Variants in FBXW7 observed in about 807,000 individuals in gnomAD.
The protein encoded by FBXW7 is F-box/WD repeat-containing protein 7.
FBXW7 carries 11 observed loss-of-function variants against 86.3 expected under a neutral mutation model. That is an observed-to-expected ratio of 0.13 (90% CI 0.08 to 0.21). The LOEUF is 0.21. Among genes scored for constraint, FBXW7 ranks in the 10% least tolerant of loss-of-function variants. The pLI is 1.00. For synonymous variants in FBXW7, 313 were observed against 297.9 expected, an observed-to-expected ratio of 1.05 and a Z score of -0.52; for missense variants, 488 against 847.4, an observed-to-expected ratio of 0.58 and a Z score of 5.27.
chr4:152,507,772 C>A (rs373660879), intron 2 of FBXW7, among the ~76,000 whole-genome samples: 1 of 152,036 alleles, frequency 6.6e-6, no homozygotes, highest in African/African-American at 2.4e-5. Flanking sequence ...AGCCTTCTGA[C>A]CAGGTGTGGT....
chr4:152,464,679 T>C lies in FBXW7; in HGVS notation c.-119-52150A>G, dbSNP rs76732510. Among the ~76,000 whole-genome samples, 886 of 152,280 alleles carry C rather than the reference T, an allele frequency of 5.8e-3. 8 individuals are homozygous for C. The highest frequency in any genetic ancestry group is 0.018 in the African/African-American group (743 of 41,558). Reference sequence around the variant, plus strand: ...AAACAAAAGCAGAAGAAATGAACAGTTGTAATTAATTAAAATGACAGACTA... The same window carrying C: ...AAACAAAAGCAGAAGAAATGAACAGCTGTAATTAATTAAAATGACAGACTA... On this transcript the variant is annotated intron_variant, in intron 2 of 13. Transcript: ENST00000281708.
At chr4:152,456,489 T>C (rs1472720423) in intron 2 of FBXW7, among the ~76,000 whole-genome samples, 1 of 150,680 alleles carries the variant, frequency 6.6e-6, no homozygotes, top group African/African-American at 2.4e-5. Flanking sequence ...TGAGCTATGA[T>C]CACACCACTG....
At chr4:152,478,675 T>A (rs899909653) in intron 2 of FBXW7, among the ~76,000 whole-genome samples, 1 of 152,122 alleles carries the variant, frequency 6.6e-6, no homozygotes, top group Admixed American at 6.6e-5. Context: ...CATTTTACGT[T>A]CCCACCAGTA....
At chr4:152,411,968 T>C (rs981927391) in intron 3 of FBXW7, 96 bp from the exon 4 acceptor site, 14 of 1,193,458 alleles carry the variant, frequency 1.2e-5, no homozygotes, top group African/African-American at 4.6e-5. Flanking sequence ...TCATTAATGA[T>C]TGCAAAAAAG....
chr4:152,371,824 C>A (rs968510891), intron 4 of FBXW7, among the ~76,000 whole-genome samples: 1 of 151,830 alleles, frequency 6.6e-6, no homozygotes, highest in African/African-American at 2.4e-5. Context: ...ATTAATTAAG[C>A]CATGTTCATC....
intron 2 of FBXW7, among the ~76,000 whole-genome samples, chr4:152,531,026 T>C (rs747605473): frequency 5.9e-5 from 9 of 152,206 alleles, no homozygotes; most frequent in Non-Finnish European, 1.2e-4. Flanking sequence ...AATGAGCCTA[T>C]GCATGGCCTT....
At chr4:152,384,146 A>G (rs1264278124) in intron 4 of FBXW7, among the ~76,000 whole-genome samples, 2 of 152,124 alleles carry the variant, frequency 1.3e-5, no homozygotes, top group Non-Finnish European at 2.9e-5. Context: ...TTTAAACATA[A>G]AATCAGCACA....
At chr4:152,448,651 T>C (rs1741630416) in intron 2 of FBXW7, among the ~76,000 whole-genome samples, 1 of 152,134 alleles carries the variant, frequency 6.6e-6, no homozygotes, top group South Asian at 2.1e-4. Flanking sequence ...ATGTCACATA[T>C]ATACTCAAAA....
At chr4:152,449,100 G>T (rs1420219215) in intron 2 of FBXW7, among the ~76,000 whole-genome samples, 2 of 152,198 alleles carry the variant, frequency 1.3e-5, no homozygotes, top group African/African-American at 2.4e-5. Context: ...GCATTGCTTT[G>T]AGAAACAACA....
intron 2 of FBXW7, among the ~76,000 whole-genome samples, chr4:152,437,905 T>G (rs1386617914): frequency 6.6e-6 from 1 of 152,220 alleles, no homozygotes; most frequent in South Asian, 2.1e-4. Flanking sequence ...CCAGGCGCGA[T>G]GGCTCACGCT....
At chr4:152,445,650 G>A (rs1467273909) in intron 2 of FBXW7, among the ~76,000 whole-genome samples, 1 of 152,110 alleles carries the variant, frequency 6.6e-6, no homozygotes, top group African/African-American at 2.4e-5. Flanking sequence ...GCTCACACCT[G>A]TAATCCCAAC....
chr4:152,348,560 G>A (rs1578951966), intron 5 of FBXW7: 1 of 181,016 alleles, frequency 5.5e-6, no homozygotes, highest in Non-Finnish European at 1.1e-5. Flanking sequence ...CAGTTGCTTT[G>A]TCAATATAAA....
Position 152,321,238 on chromosome 4 carries a change from A to C in FBXW7, c.*1643T>G. The C allele has an allele frequency of 4.4e-6, 1 of 229,636 alleles. No individual in the cohort carries two copies. The highest frequency in any genetic ancestry group is 6.2e-5 in the East Asian group (1 of 16,018). The allele number at this position is 229,636 out of a possible 1,614,324, so 14.2% of individuals were successfully genotyped here. A position where few individuals can be genotyped will look rare whatever the true frequency, so the allele number is the denominator to read the frequency against. On this transcript the variant is annotated 3_prime_UTR_variant, in exon 14 of 14. Transcript: ENST00000281708. ...ACTTATAATGAAGGATTATTACTTC[A>C]GTGGAAGAAACAGGCATACTAACAT... is the stretch of plus-strand genomic sequence containing the variant.
intron 6 of FBXW7, among the ~76,000 whole-genome samples, chr4:152,339,282 A>T (rs1328339584): frequency 6.6e-6 from 1 of 152,156 alleles, no homozygotes; most frequent in Non-Finnish European, 1.5e-5. Context: ...TTTTTTGGTC[A>T]GGGGATTTAT....
chr4:152,522,990 G>A (rs912943530), intron 2 of FBXW7, among the ~76,000 whole-genome samples: 2 of 152,162 alleles, frequency 1.3e-5, no homozygotes, highest in South Asian at 4.1e-4. Flanking sequence ...GTAGTATTTT[G>A]AATCTTATCT....
intron 12 of FBXW7, chr4:152,325,477 G>A (rs1045481057): frequency 1.3e-5 from 2 of 152,138 alleles, no homozygotes; most frequent in Non-Finnish European, 2.9e-5. Context: ...ATATGGGCTT[G>A]AAATATAAAC....
At chr4:152,353,481 TCTTA>T (rs1483384792) in intron 4 of FBXW7, among the ~76,000 whole-genome samples, 3 of 152,160 alleles carry the variant, frequency 2.0e-5, no homozygotes, top group Non-Finnish European at 4.4e-5. Flanking sequence ...CTTCATCAAT[TCTTA>T]CTAATCATAA....
At chr4:152,388,258 C>T (rs1253250433) in intron 4 of FBXW7, among the ~76,000 whole-genome samples, 1 of 152,074 alleles carries the variant, frequency 6.6e-6, no homozygotes, top group Non-Finnish European at 1.5e-5. Flanking sequence ...TGCTAATTTT[C>T]TTCATTTGGG....
At chr4:152,454,988 A>C (rs1406809838) in intron 2 of FBXW7, among the ~76,000 whole-genome samples, 2 of 152,156 alleles carry the variant, frequency 1.3e-5, no homozygotes, top group Non-Finnish European at 2.9e-5. Flanking sequence ...GTTTTTAAAA[A>C]TTATTCTTTT....
Sources: gnomAD v4.1 joint callset for allele counts (sites outside exome capture counted in the v4.1 genomes callset) on GRCh38, gnomAD v4.1.1 for gene constraint, MANE v1.5 for transcripts, NCBI Gene and HGNC (gene_info 2026-07-23, HGNC 2026-07-21) for gene names.